Variants in ADGRL3 observed in about 807,000 individuals in gnomAD.
The protein encoded by ADGRL3 is calcium-independent alpha-latrotoxin receptor 3.
A neutral mutation model predicts 153.5 loss-of-function variants in ADGRL3; 62 were observed. That is an observed-to-expected ratio of 0.40 (90% CI 0.33 to 0.50). The LOEUF (loss-of-function observed/expected upper bound fraction) is 0.50. Among genes scored for constraint, ADGRL3 ranks in the 20% least tolerant of loss-of-function variants. The pLI, the probability that ADGRL3 is intolerant of heterozygous loss-of-function variation, is 0.47. For synonymous variants in ADGRL3, 710 were observed against 672.5 expected (o/e 1.06, Z -0.86); for missense variants, 1,641 against 1,859.4 (o/e 0.88, Z 2.16).
At chr4:61,213,102 G>T (rs1295154241) in intron 1 of ADGRL3, among the ~76,000 whole-genome samples, 1 of 152,078 alleles carries the variant, frequency 6.6e-6, no homozygotes, top group African/African-American at 2.4e-5. Flanking sequence ...TGTTGAGCTA[G>T]AGCAACAACA....
intron 8 of ADGRL3, among the ~76,000 whole-genome samples, chr4:61,744,350 G>C (rs1016043886): frequency 6.6e-6 from 1 of 152,166 alleles, no homozygotes; most frequent in Non-Finnish European, 1.5e-5. Flanking sequence ...TAAGAGCTTT[G>C]AAGAGAGCAG....
At chr4:62,045,070 T>C (rs902123569) in intron 25 of ADGRL3, among the ~76,000 whole-genome samples, 1 of 152,102 alleles carries the variant, frequency 6.6e-6, no homozygotes, top group African/African-American at 2.4e-5. Context: ...TTGGGTATAT[T>C]ATGATTTTTG....
At chr4:61,800,595 C>A (rs747106054) in intron 8 of ADGRL3, among the ~76,000 whole-genome samples, 3 of 152,076 alleles carry the variant, frequency 2.0e-5, no homozygotes, top group African/African-American at 7.2e-5. Context: ...TGATGTCTGG[C>A]GAGTTGTTTT....
intron 9 of ADGRL3, among the ~76,000 whole-genome samples, chr4:61,824,644 C>T (rs2097785000): frequency 6.6e-6 from 1 of 152,108 alleles, no homozygotes; most frequent in East Asian, 1.9e-4. Context: ...CTGCCTTGAC[C>T]TCCAAATGTA....
At chr4:61,214,451 T>C (rs932126819) in intron 1 of ADGRL3, among the ~76,000 whole-genome samples, 3 of 152,250 alleles carry the variant, frequency 2.0e-5, no homozygotes, top group Non-Finnish European at 2.9e-5. Context: ...GTTTGGATTA[T>C]TGTTCTAAAA....
chr4:61,471,341 T>C (rs1161874734), intron 2 of ADGRL3, among the ~76,000 whole-genome samples: 2 of 151,876 alleles, frequency 1.3e-5, no homozygotes, highest in African/African-American at 2.4e-5. Context: ...AAAATGCATT[T>C]ATTTTTTGAT....
chr4:61,325,459 A>T (rs978921443), intron 1 of ADGRL3, among the ~76,000 whole-genome samples: 2 of 152,238 alleles, frequency 1.3e-5, no homozygotes, highest in Non-Finnish European at 2.9e-5. Context: ...TCAAAATATC[A>T]GCAAGTGGAA....
chr4:62,056,521 A>G (rs1362202181), intron 25 of ADGRL3, among the ~76,000 whole-genome samples: 1 of 152,014 alleles, frequency 6.6e-6, no homozygotes, highest in East Asian at 1.9e-4. Flanking sequence ...TCCCAACTTC[A>G]TAGATCTCAT....
chr4:61,314,460 G>A (rs758749898), intron 1 of ADGRL3, among the ~76,000 whole-genome samples: 2 of 152,018 alleles, frequency 1.3e-5, no homozygotes, highest in Non-Finnish European at 2.9e-5. Context: ...CCACCCGCTC[G>A]GCCTCCCAAA....
chr4:61,475,226 G>C (rs1048980013), intron 2 of ADGRL3, among the ~76,000 whole-genome samples: 17 of 151,982 alleles, frequency 1.1e-4, no homozygotes, highest in Non-Finnish European at 1.8e-4. Flanking sequence ...TTACTTATTT[G>C]TAAAAAATAA....
intron 1 of ADGRL3, among the ~76,000 whole-genome samples, chr4:61,326,050 G>A (rs1167000003): frequency 6.6e-6 from 1 of 152,116 alleles, no homozygotes; most frequent in Non-Finnish European, 1.5e-5. Context: ...GAACCCAGGT[G>A]TGTTTGATTC....
At chr4:62,020,157 A>G (rs1473125019) in intron 21 of ADGRL3, among the ~76,000 whole-genome samples, 2 of 152,136 alleles carry the variant, frequency 1.3e-5, no homozygotes, top group African/African-American at 2.4e-5. Flanking sequence ...AGTTGGTGAA[A>G]AGAGAGGTGA....
intron 9 of ADGRL3, among the ~76,000 whole-genome samples, chr4:61,848,311 G>C (rs1346970034): frequency 2.7e-5 from 4 of 150,262 alleles, no homozygotes; most frequent in African/African-American, 9.8e-5. Context: ...GCATTGGTTG[G>C]GCCATGTTCC....
chr4:61,757,905 C>T (rs10011776), intron 8 of ADGRL3, among the ~76,000 whole-genome samples: 78,063 of 151,932 alleles, frequency 0.51, 21,247 homozygotes, highest in East Asian at 0.71. Flanking sequence ...GAGCAGGTTG[C>T]TCAGTTTCCA....
intron 5 of ADGRL3, among the ~76,000 whole-genome samples, chr4:61,616,713 T>C (rs1210850010): frequency 1.3e-5 from 2 of 152,230 alleles, no homozygotes; most frequent in African/African-American, 4.8e-5. Context: ...TTCAGTTCTA[T>C]TCCTCATGCT....
At chr4:61,448,283 T>A (rs890670501) in intron 2 of ADGRL3, among the ~76,000 whole-genome samples, 5 of 152,092 alleles carry the variant, frequency 3.3e-5, no homozygotes, top group Admixed American at 6.6e-5. Context: ...CTAAAAAAAA[T>A]TTGCTGTTAC....
At chr4:61,731,582 T>C (rs1300437737) in intron 7 of ADGRL3, among the ~76,000 whole-genome samples, 1 of 152,094 alleles carries the variant, frequency 6.6e-6, no homozygotes, top group East Asian at 1.9e-4. Flanking sequence ...AAAGAAGCTC[T>C]ATGATAAAGG....
intron 15 of ADGRL3, among the ~76,000 whole-genome samples, chr4:61,938,476 T>G (rs1268878197): frequency 6.6e-5 from 10 of 152,170 alleles, no homozygotes; most frequent in Non-Finnish European, 1.5e-4. Context: ...GAAATGATAA[T>G]GGATATCTCA....
chr4:62,010,734 T>C (rs1467663184), intron 21 of ADGRL3, among the ~76,000 whole-genome samples: 1 of 152,098 alleles, frequency 6.6e-6, no homozygotes, highest in African/African-American at 2.4e-5. Context: ...AATTTATCTG[T>C]CTTCAAATTC....
Sources: gnomAD v4.1 joint callset for allele counts (sites outside exome capture counted in the v4.1 genomes callset) on GRCh38, gnomAD v4.1.1 for gene constraint, MANE v1.5 for transcripts, NCBI Gene and HGNC (gene_info 2026-07-23, HGNC 2026-07-21) for gene names.